The following PHACTR2 variants were observed in gnomAD, a reference collection of about 807,000 sequenced individuals.
PHACTR2 encodes phosphatase and actin regulator 2, also known as chromosome 6 open reading frame 56.
Under a neutral mutation model 76.0 loss-of-function variants are expected in PHACTR2, and 30 were observed. That is an observed-to-expected ratio of 0.39 (90% CI 0.30 to 0.54). The LOEUF (loss-of-function observed/expected upper bound fraction) is 0.54, where lower values mean the gene tolerates loss of function less well. Ranked by LOEUF, PHACTR2 falls within the 20% of genes least tolerant of loss-of-function variation. The pLI, the probability that PHACTR2 is intolerant of heterozygous loss-of-function variation, is 0.61. For synonymous variants in PHACTR2, 292 were observed against 292.5 expected (o/e 1.00, Z 0.02); for missense variants, 696 against 781.1 (o/e 0.89, Z 1.30).
Position 143,708,735 on chromosome 6 carries a change from C to G in PHACTR2, c.47-3281C>G, listed in dbSNP as rs769382442. ...TCACATTCATGATTTAAGAGAAGTACAATGGCACATCGGCCAACTGTGCCA... is the reference window on the plus strand; with the variant it reads ...TCACATTCATGATTTAAGAGAAGTAGAATGGCACATCGGCCAACTGTGCCA... On this transcript the variant is annotated intron_variant, in intron 1 of 12. Transcript: ENST00000440869. The surrounding 1 kb of genome is among the most constrained non-coding windows in gnomAD (Gnocchi z 5.5). Among the ~76,000 whole-genome samples, 1 of 152,202 alleles carries G rather than the reference C, an allele frequency of 6.6e-6. No homozygotes were observed. Among genetic ancestry groups the G allele is most frequent in the East Asian group, 1.9e-4 (1 of 5,204 alleles).
At chr6:143,677,930 T>C, upstream of PHACTR2, 1 of 671,584 alleles carries the variant, frequency 1.5e-6, no homozygotes, top group Non-Finnish European at 1.8e-6. Flanking sequence ...CCGTGACCCC[T>C]GACCCCAGCT....
At chr6:143,716,260 G>C (rs1334758258) in intron 2 of PHACTR2, among the ~76,000 whole-genome samples, 1 of 152,180 alleles carries the variant, frequency 6.6e-6, no homozygotes, top group Non-Finnish European at 1.5e-5. Flanking sequence ...AGAAAATTCA[G>C]GCAGTCCTCA....
rs1189522624 is a variant in PHACTR2, at chr6:143,743,546, C to T, written c.215-5439C>T. The stretch of plus-strand genomic sequence containing the variant: ...TTTTTGCAAATGTCCTGTTGGGTGG[C>T]ATTGAAGCGGTTGTTTCTTTAAATG... On this transcript the variant is annotated intron_variant, in intron 2 of 12. Coordinates refer to ENST00000440869, the MANE Select transcript of PHACTR2 (RefSeq NM_001100164.2). This position sits in a 1 kb window ranked among gnomAD's most constrained non-coding sequence, Gnocchi z 5.0. Among the ~76,000 whole-genome samples the T allele has an allele frequency of 6.6e-6, 1 of 152,186 alleles. No homozygotes were observed. The highest frequency in any genetic ancestry group is 1.5e-5 in the Non-Finnish European group (1 of 68,038).
chr6:143,768,181 C>G (rs901267814), intron 6 of PHACTR2, among the ~76,000 whole-genome samples: 1 of 152,170 alleles, frequency 6.6e-6, no homozygotes, highest in Admixed American at 6.5e-5. Flanking sequence ...CATTCAAACC[C>G]TAGGAGCATT....
intron 12 of PHACTR2, chr6:143,810,421 G>A (rs1220930895): frequency 8.5e-6 from 2 of 236,218 alleles, no homozygotes; most frequent in African/African-American, 4.6e-5. Context: ...CAGATCTACA[G>A]TTTAAGAGCA....
Position 143,772,364 on chromosome 6 carries a change from A to G in PHACTR2, c.1339A>G (p.Arg447Gly). ...TAGTGCCTCAGAAGATGAAGGCCAC[A>G]GGGAATACCAAGCCAATGACTCTGA... is the stretch of plus-strand genomic sequence containing the variant. ...SFSASEDEGH[R>G]EYQANDSDSD... The change falls in exon 7 of 13, where the codon AGG becomes GGG. Residue 447 changes from arginine to glycine, a missense_variant. Arg to Gly is a moderately radical substitution (Grantham distance 125). Coordinates refer to ENST00000440869, the MANE Select transcript of PHACTR2 (RefSeq NM_001100164.2). The surrounding 1 kb of genome is among the most constrained non-coding windows in gnomAD (Gnocchi z 5.4). 3 of 1,614,090 alleles carry G rather than the reference A, an allele frequency of 1.9e-6. No homozygotes were observed. The highest frequency in any genetic ancestry group is 2.5e-6 in the Non-Finnish European group (3 of 1,179,920).
rs541978794 is a variant in PHACTR2 at position 143,733,122 on chromosome 6, A to G, written c.215-15863A>G. On this transcript the variant is annotated intron_variant, in intron 2 of 12. Coordinates refer to ENST00000440869, the MANE Select transcript of PHACTR2 (RefSeq NM_001100164.2). The surrounding 1 kb of genome is among the most constrained non-coding windows in gnomAD (Gnocchi z 4.0). ...CTCAGCTGCCCAGGCTGGGTGTCCA[A>G]CTGGCTTCAAGTGATTGTCCTACCT... 5.9e-5 allele frequency among the ~76,000 whole-genome samples: 9 copies of G among 152,210 alleles called. No individual in the cohort carries two copies. Among genetic ancestry groups the G allele is most frequent in the African/African-American group, 1.9e-4 (8 of 41,536 alleles).
At chr6:143,714,679 G>C (rs867494990) in intron 2 of PHACTR2, among the ~76,000 whole-genome samples, 1 of 152,140 alleles carries the variant, frequency 6.6e-6, no homozygotes, top group Admixed American at 6.5e-5. Flanking sequence ...AGATTCTAGG[G>C]CAGGAGAATA....
At chr6:143,634,438 G>A (rs1776416723) in intron 1 of PHACTR2, among the ~76,000 whole-genome samples, 1 of 152,170 alleles carries the variant, frequency 6.6e-6, no homozygotes, top group Non-Finnish European at 1.5e-5. Flanking sequence ...ATGTGCCATT[G>A]TATATATTTG....
intron 2 of PHACTR2, among the ~76,000 whole-genome samples, chr6:143,723,883 T>C (rs984114024): frequency 2.0e-5 from 3 of 152,366 alleles, no homozygotes; most frequent in Non-Finnish European, 4.4e-5. Flanking sequence ...GTTGATCTCT[T>C]GGTTCCTATT....
intron 1 of PHACTR2, among the ~76,000 whole-genome samples, chr6:143,692,590 C>T (rs1777671420): frequency 6.6e-6 from 1 of 152,176 alleles, no homozygotes; most frequent in South Asian, 2.1e-4. Context: ...ACTGAATCCC[C>T]TTCAGTCATC....
At position 143,794,005 on chromosome 6, in the gene PHACTR2, A is replaced by G. The variant is rs1338808803; in HGVS notation, c.1845+5095A>G. On this transcript the variant is annotated intron_variant, in intron 11 of 12. Coordinates refer to ENST00000440869, the MANE Select transcript of PHACTR2 (RefSeq NM_001100164.2). This position sits in a 1 kb window ranked among gnomAD's most constrained non-coding sequence, Gnocchi z 4.1. ...AAGATGTTTATGTGTAGTATATTGT[A>G]TATACACAAGTGATGAATATTCATT... is the stretch of plus-strand genomic sequence containing the variant. 1.3e-5 allele frequency among the ~76,000 whole-genome samples: 2 copies of G among 152,130 alleles called. No homozygotes were observed. Among genetic ancestry groups the G allele is most frequent in the Non-Finnish European group, 2.9e-5 (2 of 68,026 alleles).
At position 143,760,292 on chromosome 6, in the gene PHACTR2, T is replaced by G; in HGVS notation, c.455-109T>G. ...CTGGTGCAGAACTCCATGCTGATTC[T>G]CAAGTACCAAGCAGACACGCTTTGT... On this transcript the variant is annotated intron_variant, in intron 4 of 12. Coordinates refer to ENST00000440869, the MANE Select transcript of PHACTR2 (RefSeq NM_001100164.2). This position sits in a 1 kb window ranked among gnomAD's most constrained non-coding sequence, Gnocchi z 6.4. The G allele has an allele frequency of 1.0e-6, 1 of 980,852 alleles. No individual in the cohort carries two copies. Among genetic ancestry groups the G allele is most frequent in the South Asian group, 1.7e-5 (1 of 60,488 alleles). The allele number at this position is 980,852 out of a possible 1,614,324, so 60.8% of individuals were successfully genotyped here. A position where few individuals can be genotyped will look rare whatever the true frequency, so the allele number is the denominator to read the frequency against.
Position 143,827,727 on chromosome 6 carries a change from T to C in PHACTR2, c.*4038T>C, listed in dbSNP as rs1400988547. 6.6e-6 allele frequency: 1 copy of C among 152,186 alleles called. No individual in the cohort carries two copies. Among genetic ancestry groups the C allele is most frequent in the Non-Finnish European group, 1.5e-5 (1 of 68,026 alleles). The allele number at this position is 152,186 out of a possible 1,614,324, so 9.4% of individuals were successfully genotyped here. ...ACTTAGATGCAATTTATTTACAGAA[T>C]TGTCCCTTGACCTCTTGAAATGGCT... On this transcript the variant is annotated 3_prime_UTR_variant, in exon 13 of 13. Transcript: ENST00000440869.
At position 143,793,435 on chromosome 6, in the gene PHACTR2, C is replaced by A. The variant is rs900962258; in HGVS notation, c.1845+4525C>A. On this transcript the variant is annotated intron_variant, in intron 11 of 12. Coordinates refer to ENST00000440869, the MANE Select transcript of PHACTR2 (RefSeq NM_001100164.2). This position sits in a 1 kb window ranked among gnomAD's most constrained non-coding sequence, Gnocchi z 4.4. ...TCCCTTGCAGATCTGAGCCCCAGAG[C>A]ACAGCCACTGCCCCTCTCTCCTCAC... 6.6e-6 allele frequency among the ~76,000 whole-genome samples: 1 copy of A among 152,096 alleles called. No individual in the cohort carries two copies. Among genetic ancestry groups the A allele is most frequent in the Non-Finnish European group, 1.5e-5 (1 of 68,016 alleles).
At chr6:143,792,400 C>A (rs1488972748) in intron 11 of PHACTR2, among the ~76,000 whole-genome samples, 1 of 152,086 alleles carries the variant, frequency 6.6e-6, no homozygotes, top group Non-Finnish European at 1.5e-5. Context: ...TGCAAGGTTT[C>A]TTCCATCCTC....
intron 11 of PHACTR2, among the ~76,000 whole-genome samples, chr6:143,797,049 C>A (rs1012072906): frequency 6.6e-6 from 1 of 152,196 alleles, no homozygotes; most frequent in Admixed American, 6.5e-5. Flanking sequence ...ATTCCTATTT[C>A]TCCACATCCT....
At chr6:143,788,723 A>G in intron 10 of PHACTR2, 50 bp from the exon 11 acceptor site, 1 of 1,534,210 alleles carries the variant, frequency 6.5e-7, no homozygotes, top group Non-Finnish European at 8.9e-7. Context: ...TGCCACCATG[A>G]GGCTGTAAGT....
chr6:143,629,849 G>A (rs1052446913), intron 1 of PHACTR2, among the ~76,000 whole-genome samples: 3 of 152,122 alleles, frequency 2.0e-5, no homozygotes, highest in Non-Finnish European at 2.9e-5. Flanking sequence ...AGCTTCGTTT[G>A]GAGTGTTCTG....
Sources: gnomAD v4.1 joint callset for allele counts (sites outside exome capture counted in the v4.1 genomes callset) on GRCh38, gnomAD v4.1.1 for gene constraint, Gnocchi (gnomAD v3.1) non-coding constraint, MANE v1.5 for transcripts, NCBI Gene and HGNC (gene_info 2026-07-23, HGNC 2026-07-21) for gene names.